Variants in VPS50 observed in about 807,000 individuals in gnomAD.
The protein encoded by VPS50 is syndetin.
In VPS50, 70 loss-of-function variants were observed where a neutral mutation model predicts 139.7. That is an observed-to-expected ratio of 0.50 (90% CI 0.41 to 0.61). The LOEUF (loss-of-function observed/expected upper bound fraction) is 0.61, where lower values mean the gene tolerates loss of function less well. Among genes scored for constraint, VPS50 ranks in the 20% least tolerant of loss-of-function variants. The pLI is 0.00. For synonymous variants in VPS50, 365 were observed against 376.7 expected, an observed-to-expected ratio of 0.97 and a Z score of 0.36; for missense variants, 921 against 1,133.7, an observed-to-expected ratio of 0.81 and a Z score of 2.69.
At chr7:93,251,909 T>A (rs1584388994) in intron 2 of VPS50, among the ~76,000 whole-genome samples, 1 of 152,240 alleles carries the variant, frequency 6.6e-6, no homozygotes. Flanking sequence ...ATTGTAAAAA[T>A]TTACTAGTTA....
intron 8 of VPS50, 78 bp downstream of exon 8, chr7:93,258,470 T>G: frequency 9.2e-7 from 1 of 1,084,698 alleles, no homozygotes; most frequent in South Asian, 1.3e-5. Context: ...CAGAAGTGCA[T>G]TTTTCTCAAA....
At chr7:93,337,043 A>C (rs968846249) in intron 22 of VPS50, among the ~76,000 whole-genome samples, 8 of 152,160 alleles carry the variant, frequency 5.3e-5, no homozygotes, top group Non-Finnish European at 1.2e-4. Flanking sequence ...GGAGCTTTTT[A>C]TTTAAGTGTG....
intron 1 of VPS50, among the ~76,000 whole-genome samples, chr7:93,234,611 T>C (rs1794743274): frequency 6.6e-6 from 1 of 152,218 alleles, no homozygotes; most frequent in Admixed American, 6.5e-5. Flanking sequence ...TTTGAATTAG[T>C]ACAGTTTATT....
intron 2 of VPS50, 145 bp from the exon 3 acceptor site, chr7:93,252,508 A>G: frequency 1.7e-6 from 1 of 590,256 alleles, no homozygotes; most frequent in Non-Finnish European, 2.9e-6. Context: ...ATTTCCTGTG[A>G]ACTTTTCTGA....
chr7:93,277,995 A>G (rs1358496971), intron 12 of VPS50, among the ~76,000 whole-genome samples: 1 of 152,162 alleles, frequency 6.6e-6, no homozygotes, highest in Admixed American at 6.5e-5. Context: ...CTATTAAAGC[A>G]GAAAAGAACT....
rs569604750 is a variant in VPS50 at position 93,359,259 on chromosome 7, T to C, written c.*823T>C. 10 of 152,254 alleles carry C rather than the reference T, an allele frequency of 6.6e-5. No individual in the cohort carries two copies. The East Asian group carries it at 1.7e-3, about 26-fold the overall frequency. The allele number at this position is 152,254 out of a possible 1,614,324, so 9.4% of individuals were successfully genotyped here. A position where few individuals can be genotyped will look rare whatever the true frequency, so the allele number is the denominator to read the frequency against. On this transcript the variant is annotated 3_prime_UTR_variant, in exon 28 of 28. Coordinates refer to ENST00000305866, the MANE Select transcript of VPS50 (RefSeq NM_017667.4). ...TTTTTTGTTGAAAGTTTTGGTCTCTTTAAATTCAGATTTTGTCTTAGGACA... is the reference window on the plus strand; with the variant it reads ...TTTTTTGTTGAAAGTTTTGGTCTCTCTAAATTCAGATTTTGTCTTAGGACA...
chr7:93,256,281 T>C, intron 4 of VPS50: 1 of 294,064 alleles, frequency 3.4e-6, no homozygotes, highest in East Asian at 5.2e-5. Flanking sequence ...TGACCATTTA[T>C]TGAGTTTCTG....
At chr7:93,332,457 G>C (rs1213085569) in intron 21 of VPS50, among the ~76,000 whole-genome samples, 1 of 152,138 alleles carries the variant, frequency 6.6e-6, no homozygotes, top group Non-Finnish European at 1.5e-5. Context: ...CATTTTGAGG[G>C]AAAACACAAA....
chr7:93,253,852 T>G lies in VPS50; in HGVS notation c.226-8T>G. ...TTTTCCTCTTCTTTCATGAATTTTTTTCTGTAGAAGCTTCCACCTGTTCTC... is the reference window on the plus strand; with the variant it reads ...TTTTCCTCTTCTTTCATGAATTTTTGTCTGTAGAAGCTTCCACCTGTTCTC... On this transcript the variant is annotated splice_polypyrimidine_tract_variant and splice_region_variant and intron_variant, in intron 3 of 27. Coordinates refer to ENST00000305866, the MANE Select transcript of VPS50 (RefSeq NM_017667.4). The G allele has an allele frequency of 6.4e-7, 1 of 1,551,594 alleles. No individual in the cohort carries two copies. The highest frequency in any genetic ancestry group is 8.9e-7 in the Non-Finnish European group (1 of 1,128,544).
chr7:93,346,675 T>A (rs1397905394), intron 23 of VPS50, among the ~76,000 whole-genome samples: 1 of 150,890 alleles, frequency 6.6e-6, no homozygotes, highest in East Asian at 1.9e-4. Context: ...ACACCACATA[T>A]CTACAACTAT....
chr7:93,287,222 G>A (rs781213813), intron 12 of VPS50, among the ~76,000 whole-genome samples: 16 of 151,944 alleles, frequency 1.1e-4, no homozygotes, highest in Non-Finnish European at 2.2e-4. Context: ...AGACATTTAG[G>A]TATGTGCAGT....
intron 21 of VPS50, among the ~76,000 whole-genome samples, chr7:93,326,460 A>AT (rs953801862): frequency 2.4e-4 from 29 of 122,806 alleles, no homozygotes; most frequent in East Asian, 1.4e-3. Flanking sequence ...TAATAAAAAA[A>AT]AAATAAAATA....
chr7:93,325,002 A>G (rs1008455340), intron 21 of VPS50, among the ~76,000 whole-genome samples: 1 of 152,132 alleles, frequency 6.6e-6, no homozygotes, highest in African/African-American at 2.4e-5. Context: ...ATCCTAAGCC[A>G]AAAGAACAAA....
At chr7:93,346,371 A>C (rs1584492653) in intron 23 of VPS50, among the ~76,000 whole-genome samples, 1 of 152,352 alleles carries the variant, frequency 6.6e-6, no homozygotes, top group East Asian at 1.9e-4. Context: ...GGTAGGAAGA[A>C]TCAATATAAT....
At chr7:93,309,217 T>TCTAA (rs1283348957) in intron 19 of VPS50, among the ~76,000 whole-genome samples, 2 of 151,972 alleles carry the variant, frequency 1.3e-5, no homozygotes, top group Non-Finnish European at 2.9e-5. Flanking sequence ...GATCAGTTCA[T>TCTAA]CTAACTGTGA....
intron 21 of VPS50, among the ~76,000 whole-genome samples, chr7:93,327,165 G>A (rs1251479000): frequency 1.3e-5 from 2 of 152,114 alleles, no homozygotes; most frequent in East Asian, 1.9e-4. Flanking sequence ...TAGTGGAAAC[G>A]TTCTATATTA....
intron 16 of VPS50, among the ~76,000 whole-genome samples, chr7:93,297,444 T>C (rs1282505526): frequency 6.6e-6 from 1 of 152,192 alleles, no homozygotes; most frequent in Non-Finnish European, 1.5e-5. Context: ...TACATTTTAA[T>C]ATATTTTTGT....
At position 93,358,638 on chromosome 7, in the gene VPS50, A is replaced by T; in HGVS notation, c.*202A>T. The T allele has an allele frequency of 2.2e-6, 1 of 461,388 alleles. No homozygotes were observed. 28.6% of individuals were successfully genotyped at this position (461,388 alleles called of 1,614,324 possible). A position where few individuals can be genotyped will look rare whatever the true frequency, so the allele number is the denominator to read the frequency against. ...TGTGGTCTCTTCAACTTTTGGTCTC[A>T]TTTGTTGTAATCTGAAATGATGTTG... On this transcript the variant is annotated 3_prime_UTR_variant, in exon 28 of 28. Transcript: ENST00000305866.
chr7:93,342,685 A>T (rs1798256732), intron 23 of VPS50, among the ~76,000 whole-genome samples: 1 of 152,198 alleles, frequency 6.6e-6, no homozygotes, highest in African/African-American at 2.4e-5. Flanking sequence ...CTGATCCCCG[A>T]GCAGCCGAAC....
Sources: allele counts gnomAD v4.1 joint callset (sites outside exome capture counted in the v4.1 genomes callset), GRCh38; gene constraint gnomAD v4.1.1; transcripts MANE v1.5; gene names NCBI Gene and HGNC (gene_info 2026-07-23, HGNC 2026-07-21).